ATP8A2: variants seen among roughly 807,000 people sequenced by gnomAD.
ATP8A2 encodes ATPase phospholipid transporting 8A2.
Under a neutral mutation model 165.6 loss-of-function variants are expected in ATP8A2, and 100 were observed. The observed-to-expected ratio is 0.60, with a 90% confidence interval of 0.51 to 0.71. The LOEUF is 0.71. ATP8A2 is among the 30% of genes least tolerant of loss of function. The pLI is 0.00. For missense variants in ATP8A2, 1,227 were observed against 1,479.5 expected, an observed-to-expected ratio of 0.83 and a Z score of 2.80; for synonymous variants, 543 against 548.8, an observed-to-expected ratio of 0.99 and a Z score of 0.15.
chr13:25,748,512 C>G (rs1263218876), intron 25 of ATP8A2, among the ~76,000 whole-genome samples: 1 of 152,086 alleles, frequency 6.6e-6, no homozygotes, highest in Non-Finnish European at 1.5e-5. Flanking sequence ...CTTTTTCATT[C>G]GACCCCATCC....
Position 25,806,723 on chromosome 13 carries a change from C to T in ATP8A2, c.2680-21395C>T, listed in dbSNP as rs553176162. On this transcript the variant is annotated intron_variant, in intron 27 of 36. Coordinates refer to ENST00000381655, the MANE Select transcript of ATP8A2 (RefSeq NM_016529.6). Reference sequence around the variant, plus strand: ...TGGAATTGGTGAGTCATAATGATAACGCTATCTTTAACATTTTGAGGAACT... The same window carrying T: ...TGGAATTGGTGAGTCATAATGATAATGCTATCTTTAACATTTTGAGGAACT... 2.2e-4 allele frequency among the ~76,000 whole-genome samples: 34 copies of T among 152,222 alleles called. No individual in the cohort carries two copies. The South Asian group carries it at 5.0e-3, about 22-fold the overall frequency.
At chr13:25,862,252 C>T (rs1216805817) in intron 32 of ATP8A2, 49 bp from the exon 33 acceptor site, 1 of 1,402,202 alleles carries the variant, frequency 7.1e-7, no homozygotes, top group Non-Finnish European at 1.0e-6. Context: ...TGGGGTGAAT[C>T]TGCCAGGCTG....
intron 1 of ATP8A2, among the ~76,000 whole-genome samples, chr13:25,442,430 T>C (rs1334367494): frequency 6.6e-6 from 1 of 152,206 alleles, no homozygotes; most frequent in East Asian, 1.9e-4. Context: ...TTGTTTTTCT[T>C]TTTGACAGAG....
chr13:25,659,424 G>C (rs2042003030), intron 24 of ATP8A2, among the ~76,000 whole-genome samples: 1 of 152,152 alleles, frequency 6.6e-6, no homozygotes, highest in African/African-American at 2.4e-5. Context: ...ATGGTTGTCT[G>C]TCTGAGCTGG....
intron 24 of ATP8A2, among the ~76,000 whole-genome samples, chr13:25,631,782 T>C (rs2041245926): frequency 6.6e-6 from 1 of 152,170 alleles, no homozygotes; most frequent in African/African-American, 2.4e-5. Flanking sequence ...TCTTGCAGCT[T>C]TACATAGACT....
In ATP8A2 at chr13:25,465,721, TTCTTTC is replaced by T. The variant is rs1333740959; in HGVS notation, c.77-3254_77-3249del. ...TTTCTTTCTTTCTTTCTTTCTTTCT[TTCTTTC>T]TTTCTTTCTTTCCCTCCCTCCCTCT... On this transcript the variant is annotated intron_variant, in intron 1 of 36. Coordinates refer to ENST00000381655, the MANE Select transcript of ATP8A2 (RefSeq NM_016529.6). Among the ~76,000 whole-genome samples the T allele has an allele frequency of 1.5e-3, 68 of 45,180 alleles. 2 individuals carry two copies. Among genetic ancestry groups the T allele is most frequent in the African/African-American group, 6.8e-3 (62 of 9,184 alleles). The allele number at this position is 45,180 out of a possible 152,430, so 29.6% of individuals were successfully genotyped here.
intron 24 of ATP8A2, among the ~76,000 whole-genome samples, chr13:25,629,439 C>T (rs779116302): frequency 1.3e-5 from 2 of 152,070 alleles, no homozygotes; most frequent in Admixed American, 6.6e-5. Context: ...TTTAATCAGC[C>T]GTTTAATCTT....
At chr13:25,399,069 C>T (rs538300215) in intron 1 of ATP8A2, among the ~76,000 whole-genome samples, 12 of 152,208 alleles carry the variant, frequency 7.9e-5, no homozygotes, top group African/African-American at 1.9e-4. Flanking sequence ...GGCAGAAGCA[C>T]GATCCCAGAA....
chr13:25,417,195 C>T (rs146237357), intron 1 of ATP8A2, among the ~76,000 whole-genome samples: 9 of 152,230 alleles, frequency 5.9e-5, no homozygotes, highest in Non-Finnish European at 1.2e-4. Flanking sequence ...TTTATGGAGA[C>T]AGGTGTGGTT....
chr13:25,665,899 T>A (rs2042143569), intron 24 of ATP8A2, among the ~76,000 whole-genome samples: 1 of 149,156 alleles, frequency 6.7e-6, no homozygotes, highest in Non-Finnish European at 1.5e-5. Flanking sequence ...TAAAATATGT[T>A]CATAATATAT....
At chr13:25,721,206 C>CTT (rs994203238) in intron 25 of ATP8A2, among the ~76,000 whole-genome samples, 2 of 142,282 alleles carry the variant, frequency 1.4e-5, no homozygotes, top group Admixed American at 7.0e-5. Context: ...TTCAAGTGAG[C>CTT]TTTTTTTTTT....
chr13:25,447,048 A>C (rs1593318831), intron 1 of ATP8A2, among the ~76,000 whole-genome samples: 1 of 152,162 alleles, frequency 6.6e-6, no homozygotes, highest in Non-Finnish European at 1.5e-5. Flanking sequence ...CAACAATAAA[A>C]CAATTAGAAC....
At chr13:25,740,584 G>A (rs967359381) in intron 25 of ATP8A2, among the ~76,000 whole-genome samples, 4 of 152,178 alleles carry the variant, frequency 2.6e-5, no homozygotes, top group Non-Finnish European at 4.4e-5. Context: ...ATCCAACAAG[G>A]AGGAAGGAGA....
intron 1 of ATP8A2, among the ~76,000 whole-genome samples, chr13:25,408,640 G>A (rs1371277994): frequency 1.6e-5 from 2 of 127,936 alleles, no homozygotes; most frequent in Admixed American, 1.6e-4. Context: ...TTATTAATGA[G>A]TTCTATTTAT....
rs1040521503 is a variant in ATP8A2 at position 25,989,437 on chromosome 13, G to C, written c.3377+20758G>C. Among the ~76,000 whole-genome samples, 44 of 152,082 alleles carry C rather than the reference G, an allele frequency of 2.9e-4. 1 individual carries two copies. Among genetic ancestry groups the C allele is most frequent in the African/African-American group, 1.0e-3 (43 of 41,400 alleles). ...ACATTTATTTTATTTTTCATACAAG[G>C]ATAAGTTCACATTCAAATAATTAGT... On this transcript the variant is annotated intron_variant, in intron 35 of 36. Transcript: ENST00000381655.
intron 25 of ATP8A2, among the ~76,000 whole-genome samples, chr13:25,731,864 T>C (rs2043655444): frequency 6.6e-6 from 1 of 152,220 alleles, no homozygotes; most frequent in Non-Finnish European, 1.5e-5. Flanking sequence ...ACATCCACAT[T>C]TATTTCATTC....
intron 33 of ATP8A2, among the ~76,000 whole-genome samples, chr13:25,920,897 GTC>G (rs1266312872): frequency 6.6e-6 from 1 of 152,098 alleles, no homozygotes; most frequent in Non-Finnish European, 1.5e-5. Flanking sequence ...GTGAAAACCT[GTC>G]TCTACTAAAA....
At chr13:25,893,933 T>C (rs1180063024) in intron 33 of ATP8A2, among the ~76,000 whole-genome samples, 1 of 152,040 alleles carries the variant, frequency 6.6e-6, no homozygotes, top group Non-Finnish European at 1.5e-5. Flanking sequence ...TTGAGTTCAT[T>C]GTAGATTCTG....
At chr13:25,440,336 C>A (rs1045808285) in intron 1 of ATP8A2, among the ~76,000 whole-genome samples, 4 of 151,998 alleles carry the variant, frequency 2.6e-5, no homozygotes, top group African/African-American at 9.7e-5. Context: ...TCCCCTTTTT[C>A]CTTTGCTAAT....
Sources: gnomAD v4.1 joint callset for allele counts (sites outside exome capture counted in the v4.1 genomes callset) on GRCh38, gnomAD v4.1.1 for gene constraint, MANE v1.5 for transcripts, NCBI Gene and HGNC (gene_info 2026-07-23, HGNC 2026-07-21) for gene names.